KIAA1217: variants seen among roughly 807,000 people sequenced by gnomAD.
The protein encoded by KIAA1217 is KIAA1217, also known as sickle tail protein homolog.
Under a neutral mutation model 163.9 loss-of-function variants are expected in KIAA1217, and 88 were observed. The ratio of observed to expected loss-of-function variants is 0.54; its 90% confidence interval spans 0.45 to 0.64. The LOEUF is 0.64. KIAA1217 is among the 30% of genes least tolerant of loss of function. KIAA1217 has a pLI of 0.00. For synonymous variants in KIAA1217, 903 were observed against 923.1 expected, an observed-to-expected ratio of 0.98 and a Z score of 0.39; for missense variants, 2,372 against 2,475.0, an observed-to-expected ratio of 0.96 and a Z score of 0.88.
At chr10:23,878,547 A>T (rs1366721406) in intron 1 of KIAA1217, among the ~76,000 whole-genome samples, 2 of 151,922 alleles carry the variant, frequency 1.3e-5, no homozygotes, top group Non-Finnish European at 2.9e-5. Flanking sequence ...TAAATACACA[A>T]ATAAGTGAAA....
chr10:24,361,346 C>G (rs765371224), intron 2 of KIAA1217, among the ~76,000 whole-genome samples: 2 of 152,066 alleles, frequency 1.3e-5, no homozygotes, highest in Non-Finnish European at 2.9e-5. Context: ...CGCCACCATG[C>G]CTGGCGAATT....
intron 1 of KIAA1217, among the ~76,000 whole-genome samples, chr10:23,901,680 G>A (rs114436818): frequency 0.015 from 2,220 of 152,064 alleles, 57 homozygotes; most frequent in African/African-American, 0.048. Flanking sequence ...AGACTGAGGC[G>A]GGTGGATCAC....
intron 1 of KIAA1217, among the ~76,000 whole-genome samples, chr10:23,747,814 G>A (rs1283097916): frequency 2.0e-5 from 3 of 152,132 alleles, no homozygotes; most frequent in Non-Finnish European, 4.4e-5. Flanking sequence ...TGACTGATAC[G>A]TGATGAATCC....
intron 3 of KIAA1217, among the ~76,000 whole-genome samples, chr10:24,398,499 G>GA: frequency 6.6e-6 from 1 of 152,252 alleles, no homozygotes; most frequent in South Asian, 2.1e-4. Context: ...GCCTAAGGCA[G>GA]AAAAAGAAAC....
intron 2 of KIAA1217, among the ~76,000 whole-genome samples, chr10:24,043,067 G>T (rs935195641): frequency 6.6e-6 from 1 of 152,100 alleles, no homozygotes; most frequent in African/African-American, 2.4e-5. Flanking sequence ...CAAGAGTGTT[G>T]GTGGATATTT....
At chr10:23,705,974 A>C (rs1588633122) in intron 1 of KIAA1217, among the ~76,000 whole-genome samples, 1 of 152,116 alleles carries the variant, frequency 6.6e-6, no homozygotes, top group Non-Finnish European at 1.5e-5. Context: ...ATTTTACATA[A>C]ATTTTGTTAA....
chr10:23,882,825 A>G (rs767430554), intron 1 of KIAA1217, among the ~76,000 whole-genome samples: 5 of 151,938 alleles, frequency 3.3e-5, no homozygotes, highest in Non-Finnish European at 5.9e-5. Context: ...AAAAATATTT[A>G]TGTGATTCCT....
intron 1 of KIAA1217, among the ~76,000 whole-genome samples, chr10:23,934,704 G>T (rs2131321279): frequency 6.8e-6 from 1 of 146,656 alleles, no homozygotes; most frequent in African/African-American, 2.5e-5. Flanking sequence ...TGCAAGCTCT[G>T]TCTCCCGGGT....
At chr10:23,908,415 T>A (rs1842272881) in intron 1 of KIAA1217, among the ~76,000 whole-genome samples, 1 of 152,164 alleles carries the variant, frequency 6.6e-6, no homozygotes, top group Admixed American at 6.5e-5. Flanking sequence ...TGTCTCCTCA[T>A]GTTCTTCCCA....
At chr10:24,237,874 A>C (rs2072499125) in intron 2 of KIAA1217, among the ~76,000 whole-genome samples, 1 of 152,208 alleles carries the variant, frequency 6.6e-6, no homozygotes, top group Admixed American at 6.5e-5. Context: ...GGTTGCCTTC[A>C]AAGGTAACCT....
intron 1 of KIAA1217, among the ~76,000 whole-genome samples, chr10:23,985,330 A>G (rs1221726587): frequency 6.6e-6 from 1 of 152,030 alleles, no homozygotes; most frequent in East Asian, 1.9e-4. Context: ...ACTCTCTTCT[A>G]TTTGCACACT....
chr10:24,307,430 C>T (rs1028554930), intron 2 of KIAA1217, among the ~76,000 whole-genome samples: 2 of 152,100 alleles, frequency 1.3e-5, no homozygotes, highest in Non-Finnish European at 2.9e-5. Context: ...AAACAGCCTT[C>T]GTGTACACAC....
At chr10:23,865,536 T>G (rs1840142570) in intron 1 of KIAA1217, among the ~76,000 whole-genome samples, 1 of 152,222 alleles carries the variant, frequency 6.6e-6, no homozygotes, top group Non-Finnish European at 1.5e-5. Flanking sequence ...TCTTTTGACA[T>G]TATTTGTGAA....
chr10:24,267,496 A>G (rs986529724), intron 2 of KIAA1217, among the ~76,000 whole-genome samples: 1 of 152,194 alleles, frequency 6.6e-6, no homozygotes, highest in African/African-American at 2.4e-5. Flanking sequence ...CTATATCTGT[A>G]GAGATGGGAT....
intron 1 of KIAA1217, among the ~76,000 whole-genome samples, chr10:23,948,184 C>A (rs761442766): frequency 2.6e-5 from 4 of 152,150 alleles, no homozygotes; most frequent in South Asian, 2.1e-4. Flanking sequence ...CCAGCTCTCA[C>A]CAGCTGTGTG....
chr10:23,967,466 A>G (rs2131384066), intron 1 of KIAA1217, among the ~76,000 whole-genome samples: 1 of 152,306 alleles, frequency 6.6e-6, no homozygotes, highest in East Asian at 1.9e-4. Context: ...TAGAAGTGCA[A>G]GAAGTCCACA....
intron 2 of KIAA1217, among the ~76,000 whole-genome samples, chr10:24,364,645 T>C (rs184344868): frequency 3.9e-5 from 6 of 152,254 alleles, no homozygotes; most frequent in African/African-American, 1.4e-4. Context: ...GCTTCTAGGT[T>C]TCCGTGACCT....
intron 2 of KIAA1217, among the ~76,000 whole-genome samples, chr10:24,038,096 A>G (rs1848474095): frequency 6.6e-6 from 1 of 152,188 alleles, no homozygotes; most frequent in Non-Finnish European, 1.5e-5. Flanking sequence ...TTGAAACTGC[A>G]TGACCAAGCA....
intron 2 of KIAA1217, among the ~76,000 whole-genome samples, chr10:24,008,001 C>T (rs1405056831): frequency 6.6e-6 from 1 of 152,114 alleles, no homozygotes; most frequent in Non-Finnish European, 1.5e-5. Flanking sequence ...TTCATTCAGC[C>T]TAAATTCTGT....
Sources: allele counts gnomAD v4.1 joint callset (sites outside exome capture counted in the v4.1 genomes callset), GRCh38; gene constraint gnomAD v4.1.1; transcripts MANE v1.5; gene names NCBI Gene and HGNC (gene_info 2026-07-23, HGNC 2026-07-21).